Variants in PPP2R2D observed in about 807,000 individuals in gnomAD.
PPP2R2D encodes protein phosphatase 2 regulatory subunit Bdelta, also known as serine/threonine-protein phosphatase 2A 55 kDa regulatory subunit B delta isoform.
A neutral mutation model predicts 31.1 loss-of-function variants in PPP2R2D; 9 were observed. The observed-to-expected ratio is 0.29, with a 90% CI of 0.17 to 0.51. The LOEUF is 0.51. PPP2R2D is among the 20% of genes least tolerant of loss of function. PPP2R2D has a pLI of 0.98. For missense variants in PPP2R2D, 391 were observed against 465.6 expected (o/e 0.84, Z 1.48); for synonymous variants, 179 against 172.6 (o/e 1.04, Z -0.29).
At chr10:131,926,415 C>T (rs1430817663) in intron 2 of PPP2R2D, among the ~76,000 whole-genome samples, 4 of 152,084 alleles carry the variant, frequency 2.6e-5, no homozygotes, top group African/African-American at 4.8e-5. Flanking sequence ...CAGTGGCTCA[C>T]GCGTGTAATT....
the PPP2R2D span, chr10:131,970,503 C>T: frequency 1.6e-6 from 2 of 1,281,224 alleles, no homozygotes; most frequent in South Asian, 1.5e-5. This position sits in a 1 kb window ranked among gnomAD's most constrained non-coding sequence, Gnocchi z 4.1. Flanking sequence ...ACAGTGACTA[C>T]GTGGGTGTTT....
In PPP2R2D at chr10:131,940,047, A is replaced by G. The variant is rs1367762327; in HGVS notation, c.215A>G (p.His72Arg). ...TCCTTGCAGAATAAAAGCCGCCCTC[A>G]TTCTAGGGGAGAATATAATGTTTAC... ...QREQENKSRP[H>R]SRGEYNVYST... The change falls in exon 4 of 9, where the codon CAT becomes CGT. Residue 72 changes from histidine to arginine, a missense_variant. His to Arg is a conservative substitution (Grantham distance 29). This residue lies in a region of PPP2R2D where 105 missense variants were observed against 98.5 expected (regional missense o/e 1.07). Coordinates refer to ENST00000455566, the MANE Select transcript of PPP2R2D (RefSeq NM_018461.5). The G allele has an allele frequency of 2.7e-6, 2 of 751,510 alleles. No homozygotes were observed. The highest frequency in any genetic ancestry group is 2.4e-5 in the East Asian group (1 of 40,942). The allele number at this position is 751,510 out of a possible 1,614,324, so 46.6% of individuals were successfully genotyped here.
chr10:131,932,936 A>G (rs1299188183), intron 2 of PPP2R2D, among the ~76,000 whole-genome samples: 1 of 152,238 alleles, frequency 6.6e-6, no homozygotes, highest in African/African-American at 2.4e-5. Context: ...TCAGTCCATT[A>G]TAATTAAGTT....
intron 8 of PPP2R2D, among the ~76,000 whole-genome samples, chr10:131,951,487 TACA>T (rs781858654): frequency 6.6e-6 from 1 of 152,214 alleles, no homozygotes. Context: ...TGCAATGACA[TACA>T]ACATGTTTAA....
chr10:131,931,741 G>T (rs928142754), intron 2 of PPP2R2D, among the ~76,000 whole-genome samples: 2 of 152,232 alleles, frequency 1.3e-5, no homozygotes, highest in Admixed American at 6.5e-5. Context: ...GTTTCTGTGG[G>T]CCTGGGCTTT....
At chr10:131,948,342 C>T (rs541311186) in intron 8 of PPP2R2D, among the ~76,000 whole-genome samples, 67 of 76,946 alleles carry the variant, frequency 8.7e-4, no homozygotes, top group African/African-American at 4.2e-3. Flanking sequence ...TTGAGAGTTA[C>T]GTTTTTTTTA....
intron 2 of PPP2R2D, among the ~76,000 whole-genome samples, chr10:131,917,014 A>G (rs1298930158): frequency 1.5e-5 from 2 of 130,780 alleles, no homozygotes; most frequent in Non-Finnish European, 3.4e-5. Flanking sequence ...GACACAGTGT[A>G]GGGACCTCAC....
chr10:131,908,231 A>G (rs947223662), intron 2 of PPP2R2D, among the ~76,000 whole-genome samples: 13 of 151,836 alleles, frequency 8.6e-5, no homozygotes, highest in Admixed American at 3.9e-4. Flanking sequence ...CTTAATGTTT[A>G]CGTTATTATT....
At chr10:131,935,495 G>A (rs2036321674) in intron 3 of PPP2R2D, among the ~76,000 whole-genome samples, 1 of 150,374 alleles carries the variant, frequency 6.7e-6, no homozygotes, top group South Asian at 2.1e-4. Context: ...CTGCCCCCCA[G>A]GAAGGGGAGC....
At chr10:131,968,474 C>G in the PPP2R2D span, 1 of 1,467,312 alleles carries the variant, frequency 6.8e-7, no homozygotes, top group East Asian at 2.3e-5. Context: ...AGCTATGTTG[C>G]AAGCTCAGAA....
intron 2 of PPP2R2D, among the ~76,000 whole-genome samples, chr10:131,928,833 G>A (rs1195690578): frequency 2.0e-5 from 3 of 152,348 alleles, no homozygotes; most frequent in South Asian, 2.1e-4. Context: ...CCAAATGGCC[G>A]TCCAGGCAGG....
chr10:131,919,346 G>GAC lies in PPP2R2D; in HGVS notation c.101-15110_101-15109dup, dbSNP rs2035914501. Among the ~76,000 whole-genome samples, 3 of 115,186 alleles carry GAC rather than the reference G, an allele frequency of 2.6e-5. 1 individual carries two copies. Among genetic ancestry groups the GAC allele is most frequent in the African/African-American group, 1.0e-4 (3 of 28,952 alleles). 75.6% of individuals were successfully genotyped at this position (115,186 alleles called of 152,430 possible). A position where few individuals can be genotyped will look rare whatever the true frequency, so the allele number is the denominator to read the frequency against. ...TGTAGGGACCTCAGGCGGGTGGAAT[G>GAC]ACAGTGTAGGGACCTCACGTGGGTG... On this transcript the variant is annotated intron_variant, in intron 2 of 8. Transcript: ENST00000455566.
rs113735338 is a variant in PPP2R2D at position 131,945,713 on chromosome 10, A to C, written c.820+254A>C. 620 of 440,148 alleles carry C rather than the reference A, an allele frequency of 1.4e-3. 5 individuals carry two copies. Among genetic ancestry groups the C allele is most frequent in the African/African-American group, 0.011 (561 of 50,528 alleles). The allele number at this position is 440,148 out of a possible 1,614,324, so 27.3% of individuals were successfully genotyped here. A position where few individuals can be genotyped will look rare whatever the true frequency, so the allele number is the denominator to read the frequency against. ...TGATCCCCCTACCTCGGCCTCCCAA[A>C]GTGCTGGGATTACAGGTGTGAGTCA... is the stretch of plus-strand genomic sequence containing the variant. On this transcript the variant is annotated intron_variant, in intron 7 of 8. Transcript: ENST00000455566. The surrounding 1 kb of genome is among the most constrained non-coding windows in gnomAD (Gnocchi z 4.8).
At chr10:131,914,500 A>G (rs1342475761) in intron 2 of PPP2R2D, among the ~76,000 whole-genome samples, 5 of 152,246 alleles carry the variant, frequency 3.3e-5, no homozygotes, top group Admixed American at 2.6e-4. Context: ...TAGGACCCCA[A>G]GGTTCCACTT....
chr10:131,955,844 A>C lies in PPP2R2D; in HGVS notation c.1243A>C (p.Ser415Arg), dbSNP rs1446118930. Residue 415 changes from serine to arginine, a missense_variant, in exon 9 of 9, where the codon AGT (serine) becomes CGT (arginine). This residue lies in a region of PPP2R2D where 163 missense variants were observed against 179.5 expected (regional missense o/e 0.91). Coordinates refer to ENST00000455566, the MANE Select transcript of PPP2R2D (RefSeq NM_018461.5). ...GGGTAAGCGGAGGAAAGACGAGATC[A>C]GTGTGGACAGTCTGGACTTCAACAA... The part of the protein sequence containing the change: ...TGGKRRKDEI[S>R]VDSLDFNKKI... 1.2e-6 allele frequency: 2 copies of C among 1,610,496 alleles called. No individual in the cohort carries two copies. The highest frequency in any genetic ancestry group is 1.7e-6 in the Non-Finnish European group (2 of 1,178,240).
In PPP2R2D at chr10:131,958,671, T is replaced by TCCCCCATCCCCCTGTGGAGATGAAGGC. The variant is rs2036866643; in HGVS notation, c.*2708_*2709insCCCCCATCCCCCTGTGGAGATGAAGGC. On this transcript the variant is annotated 3_prime_UTR_variant, in exon 9 of 9. Coordinates refer to ENST00000455566, the MANE Select transcript of PPP2R2D (RefSeq NM_018461.5). ...CCCCATCCCCCTGTGGAGATGAAGA[T>TCCCCCATCCCCCTGTGGAGATGAAGGC]GTGTGCTGATCCCCCGTCCTCCTGT... The TCCCCCATCCCCCTGTGGAGATGAAGGC allele has an allele frequency of 9.8e-6, 1 of 101,664 alleles. No individual in the cohort carries two copies. Among genetic ancestry groups the TCCCCCATCCCCCTGTGGAGATGAAGGC allele is most frequent in the Admixed American group, 1.4e-4 (1 of 7,012 alleles). 6.3% of individuals were successfully genotyped at this position (101,664 alleles called of 1,614,324 possible).
chr10:131,912,749 T>C (rs2035704777), intron 2 of PPP2R2D, among the ~76,000 whole-genome samples: 1 of 152,258 alleles, frequency 6.6e-6, no homozygotes, highest in Non-Finnish European at 1.5e-5. Context: ...CTTAAGTTTT[T>C]AACCAGGCTG....
At chr10:131,915,310 G>A (rs781820381) in intron 2 of PPP2R2D, among the ~76,000 whole-genome samples, 5 of 152,104 alleles carry the variant, frequency 3.3e-5, no homozygotes, top group Non-Finnish European at 7.3e-5. Context: ...TGAAGGCTGC[G>A]TCTCAGCTTT....
chr10:131,955,024 T>C (rs1451883874), intron 8 of PPP2R2D, among the ~76,000 whole-genome samples: 3 of 152,238 alleles, frequency 2.0e-5, no homozygotes, highest in Non-Finnish European at 4.4e-5. Flanking sequence ...ACCAGTATTA[T>C]GAAGTTATAT....
Sources: allele counts gnomAD v4.1 joint callset (sites outside exome capture counted in the v4.1 genomes callset), GRCh38; gene constraint gnomAD v4.1.1; regional missense constraint gnomAD v4.1.1; non-coding constraint Gnocchi (gnomAD v3.1); transcripts MANE v1.5; gene names NCBI Gene and HGNC (gene_info 2026-07-23, HGNC 2026-07-21).